Variants in SLC12A6 observed in about 807,000 individuals in gnomAD.
SLC12A6 encodes solute carrier family 12 member 6, also known as K-Cl cotransporter 3.
In SLC12A6, 66 loss-of-function variants were observed where a neutral mutation model predicts 135.3. The observed-to-expected ratio is 0.49, with a 90% CI of 0.40 to 0.60. The LOEUF is 0.60. Ranked by LOEUF, SLC12A6 falls within the 20% of genes least tolerant of loss-of-function variation. SLC12A6 has a pLI of 0.00. For missense variants in SLC12A6, 1,058 were observed against 1,452.3 expected, an observed-to-expected ratio of 0.73 and a Z score of 4.41; for synonymous variants, 513 against 508.8, an observed-to-expected ratio of 1.01 and a Z score of -0.11.
In SLC12A6 at chr15:34,309,654, T is replaced by G. The variant is rs548495472; in HGVS notation, c.271+26756A>C. On this transcript the variant is annotated intron_variant, in intron 2 of 25. Coordinates refer to ENST00000354181, the MANE Select transcript of SLC12A6 (RefSeq NM_001365088.1). Reference sequence around the variant, plus strand: ...TGTAAAAATCTGAAAGGAATCAAATTTGTATTCTTATATTAAGGTCTTAGA... The same window carrying G: ...TGTAAAAATCTGAAAGGAATCAAATGTGTATTCTTATATTAAGGTCTTAGA... Among the ~76,000 whole-genome samples the G allele has an allele frequency of 7.9e-5, 12 of 151,910 alleles. No individual in the cohort carries two copies. In the South Asian group the frequency reaches 2.5e-3, roughly 32 times the overall value.
intron 25 of SLC12A6, 66 bp downstream of exon 25, chr15:34,235,115 C>G (rs983645707): frequency 2.1e-6 from 3 of 1,396,780 alleles, no homozygotes; most frequent in African/African-American, 2.8e-5. Context: ...TTATTGTTAC[C>G]TAGTTATCTC....
intron 3 of SLC12A6, among the ~76,000 whole-genome samples, chr15:34,271,773 C>T (rs905324339): frequency 1.3e-5 from 2 of 151,908 alleles, no homozygotes; most frequent in African/African-American, 4.8e-5. Context: ...ATAACTGTGC[C>T]CTGTTGACAG....
chr15:34,276,681 C>A (rs1236178979), intron 2 of SLC12A6, among the ~76,000 whole-genome samples: 1 of 152,160 alleles, frequency 6.6e-6, no homozygotes, highest in Non-Finnish European at 1.5e-5. Flanking sequence ...TAACCTCTAA[C>A]TGAAGTTAAG....
intron 22 of SLC12A6, 134 bp downstream of exon 22, chr15:34,237,285 T>G: frequency 1.6e-6 from 1 of 625,102 alleles, no homozygotes; most frequent in Non-Finnish European, 2.6e-6. Flanking sequence ...GGGTTTTTTT[T>G]TGTTTTTTTT....
At chr15:34,244,212 C>T (rs1891836574) in intron 15 of SLC12A6, 140 bp from the exon 16 acceptor site, 1 of 679,490 alleles carries the variant, frequency 1.5e-6, no homozygotes, top group South Asian at 1.6e-5. Context: ...GAAACTTAAA[C>T]CTCTCCCCAC....
chr15:34,260,198 A>G (rs1379405039), intron 4 of SLC12A6, among the ~76,000 whole-genome samples: 1 of 152,116 alleles, frequency 6.6e-6, no homozygotes, highest in East Asian at 1.9e-4. Flanking sequence ...ATAAATATAT[A>G]CAGTTATTAT....
rs546071466 is a variant in SLC12A6, at chr15:34,325,979, C to T, written c.271+10431G>A. ...ACCACCTGCCCAGCTACTTTTTCAA[C>T]TTCCTAAAAGTTGTGTCTTCACTAG... On this transcript the variant is annotated intron_variant, in intron 2 of 25. Coordinates refer to ENST00000354181, the MANE Select transcript of SLC12A6 (RefSeq NM_001365088.1). Among the ~76,000 whole-genome samples the T allele has an allele frequency of 3.9e-5, 6 of 152,292 alleles. No homozygotes were observed. In the South Asian group the frequency reaches 1.0e-3, roughly 26 times the overall value.
intron 3 of SLC12A6, among the ~76,000 whole-genome samples, chr15:34,261,382 C>A (rs1409440975): frequency 2.6e-5 from 4 of 152,122 alleles, no homozygotes; most frequent in African/African-American, 9.7e-5. Flanking sequence ...CTGCAACCTC[C>A]GCCTCCCTGG....
At chr15:34,287,349 T>C (rs1895164613) in intron 2 of SLC12A6, among the ~76,000 whole-genome samples, 1 of 152,224 alleles carries the variant, frequency 6.6e-6, no homozygotes, top group Non-Finnish European at 1.5e-5. Context: ...CCATGGTGTA[T>C]ATGTGCCACA....
chr15:34,245,218 G>A (rs759855168), intron 15 of SLC12A6, 67 bp downstream of exon 15: 16 of 886,738 alleles, frequency 1.8e-5, no homozygotes, highest in Non-Finnish European at 2.7e-5. Flanking sequence ...TTATATGACT[G>A]ATGGAAATAA....
chr15:34,319,088 C>G (rs1888864720), intron 2 of SLC12A6, among the ~76,000 whole-genome samples: 1 of 151,858 alleles, frequency 6.6e-6, no homozygotes, highest in African/African-American at 2.4e-5. Context: ...ATCTCAACCT[C>G]TGCCCTCATA....
intron 4 of SLC12A6, among the ~76,000 whole-genome samples, chr15:34,260,458 CCGTGTCAG>C (rs1893042310): frequency 6.6e-6 from 1 of 151,528 alleles, no homozygotes; most frequent in African/African-American, 2.4e-5. Flanking sequence ...CGGGGTTTCA[CCGTGTCAG>C]CCAGGATGGT....
rs1328485394 is a variant in SLC12A6 at position 34,236,183 on chromosome 15, T to A, written c.3059A>T (p.Asp1020Val). The part of the protein sequence containing the change: ...ERDREAQLVK[D>V]RNSMLRLTSI... ...GGTCAATCGTAGCATTGAGTTTCGG[T>A]CTTTCACCAATTGTGCCTGAGGAAG... Residue 1020 changes from aspartate to valine, a missense_variant, in exon 24 of 26, where the codon GAC (aspartate) becomes GTC (valine). By Grantham distance (152) the Asp-to-Val change is radical. This residue lies in a region of SLC12A6 where 245 missense variants were observed against 440.8 expected (regional missense o/e 0.56). Transcript: ENST00000354181. The A allele has an allele frequency of 1.2e-6, 2 of 1,613,770 alleles. No individual in the cohort carries two copies. Among genetic ancestry groups the A allele is most frequent in the Non-Finnish European group, 1.7e-6 (2 of 1,179,760 alleles).
chr15:34,335,664 C>G (rs562149923), intron 2 of SLC12A6, among the ~76,000 whole-genome samples: 1 of 152,280 alleles, frequency 6.6e-6, no homozygotes, highest in East Asian at 1.9e-4. Flanking sequence ...TAAAACCAAG[C>G]CAGCTGACAC....
intron 2 of SLC12A6, among the ~76,000 whole-genome samples, chr15:34,334,139 A>T (rs1487805024): frequency 1.3e-5 from 2 of 152,064 alleles, no homozygotes; most frequent in Non-Finnish European, 2.9e-5. Context: ...TGAGTAGAAG[A>T]CATATGACAA....
intron 2 of SLC12A6, among the ~76,000 whole-genome samples, chr15:34,284,392 C>A (rs567495003): frequency 1.3e-4 from 19 of 150,622 alleles, no homozygotes; most frequent in African/African-American, 3.9e-4. Flanking sequence ...CCTGCCTCAG[C>A]CTCCCGAGTA....
chr15:34,241,066 G>T, intron 18 of SLC12A6, 167 bp downstream of exon 18: 1 of 660,976 alleles, frequency 1.5e-6, no homozygotes, highest in South Asian at 1.7e-5. Flanking sequence ...GATCATAAAC[G>T]ACATGAAGAA....
chr15:34,327,754 T>C (rs1022860665), intron 2 of SLC12A6, among the ~76,000 whole-genome samples: 2 of 152,200 alleles, frequency 1.3e-5, no homozygotes, highest in African/African-American at 4.8e-5. Flanking sequence ...CTCCTCAAAG[T>C]GAAAACGTGG....
In SLC12A6 at chr15:34,304,648, G is replaced by T. The variant is rs1595537241; in HGVS notation, c.272-29259C>A. ...TTTCTTTAATAACTAATGATGTTGA[G>T]CATCTTTTCATGTACATATTGGTGC... is the stretch of plus-strand genomic sequence containing the variant. On this transcript the variant is annotated intron_variant, in intron 2 of 25. Transcript: ENST00000354181. Among the ~76,000 whole-genome samples the T allele has an allele frequency of 2.0e-5, 3 of 152,278 alleles. No homozygotes were observed. The East Asian group carries it at 5.8e-4, about 29-fold the overall frequency.
Sources: gnomAD v4.1 joint callset for allele counts (sites outside exome capture counted in the v4.1 genomes callset) on GRCh38, gnomAD v4.1.1 for gene constraint, gnomAD v4.1.1 regional missense constraint, MANE v1.5 for transcripts, NCBI Gene and HGNC (gene_info 2026-07-23, HGNC 2026-07-21) for gene names.